Variants in GRIK4 observed in about 807,000 individuals in gnomAD.
GRIK4 encodes glutamate receptor ionotropic, kainate 4.
Under a neutral mutation model 104.9 loss-of-function variants are expected in GRIK4, and 40 were observed. That is an observed-to-expected ratio of 0.38 (90% CI 0.30 to 0.50). GRIK4 has a LOEUF of 0.50. Ranked by LOEUF, GRIK4 falls within the 20% of genes least tolerant of loss-of-function variation. GRIK4 has a pLI of 0.93. For synonymous variants in GRIK4, 485 were observed against 524.9 expected, an observed-to-expected ratio of 0.92 and a Z score of 1.04; for missense variants, 1,047 against 1,308.1, an observed-to-expected ratio of 0.80 and a Z score of 3.08.
At chr11:120,869,430 C>G (rs1008791508) in intron 9 of GRIK4, 2 of 152,274 alleles carry the variant, frequency 1.3e-5, no homozygotes, top group Non-Finnish European at 2.9e-5. Context: ...TTCCTTCTAC[C>G]TGCTCCCTGT....
At chr11:120,631,446 G>T (rs2135183412) in intron 1 of GRIK4, among the ~76,000 whole-genome samples, 1 of 152,314 alleles carries the variant, frequency 6.6e-6, no homozygotes, top group African/African-American at 2.4e-5. Flanking sequence ...TCGATGCCCA[G>T]TGTAGGTGGT....
rs554817446 is a variant in GRIK4 at position 120,633,806 on chromosome 11, A to C, written c.-158-19879A>C. ...GCTGGGGAGAACCAAGCATAGGCAG[A>C]AGGGAAGTGTGGCTGGGCATGGAGA... On this transcript the variant is annotated intron_variant, in intron 1 of 20. Coordinates refer to ENST00000527524, the MANE Select transcript of GRIK4 (RefSeq NM_014619.5). Among the ~76,000 whole-genome samples, 7 of 152,270 alleles carry C rather than the reference A, an allele frequency of 4.6e-5. No homozygotes were observed. The South Asian group carries it at 1.2e-3, about 27-fold the overall frequency.
intron 6 of GRIK4, among the ~76,000 whole-genome samples, chr11:120,822,397 G>A (rs2135547854): frequency 6.6e-6 from 1 of 152,170 alleles, no homozygotes; most frequent in African/African-American, 2.4e-5. Context: ...CTCATAATTA[G>A]TAAGTGGTAG....
At chr11:120,526,866 A>G (rs1947863370) in intron 1 of GRIK4, among the ~76,000 whole-genome samples, 1 of 152,320 alleles carries the variant, frequency 6.6e-6, no homozygotes, top group East Asian at 1.9e-4. Flanking sequence ...AAGAAAAAAA[A>G]AGTTCGTTTT....
In GRIK4 at chr11:120,513,040, A is replaced by G. The variant is rs1357614939; in HGVS notation, c.-159+1153A>G. Among the ~76,000 whole-genome samples the G allele has an allele frequency of 6.6e-6, 1 of 152,086 alleles. No homozygotes were observed. Among genetic ancestry groups the G allele is most frequent in the Admixed American group, 6.5e-5 (1 of 15,278 alleles). ...CTTGGTGCTGTTGTCTGGTGATGCC[A>G]CGCGGTGCCACCTCCCTGCCTCCCT... On this transcript the variant is annotated intron_variant, in intron 1 of 20. Transcript: ENST00000527524. This position sits in a 1 kb window ranked among gnomAD's most constrained non-coding sequence, Gnocchi z 4.5.
rs1949167298 is a variant in GRIK4, at chr11:120,620,120, C to T, written c.-158-33565C>T. ...TTGGTTTCGTTCTCAGCAAAATTGACCTGGGCCACTCAACATGGCTTTATC... is the reference window on the plus strand; with the variant it reads ...TTGGTTTCGTTCTCAGCAAAATTGATCTGGGCCACTCAACATGGCTTTATC... On this transcript the variant is annotated intron_variant, in intron 1 of 20. Coordinates refer to ENST00000527524, the MANE Select transcript of GRIK4 (RefSeq NM_014619.5). 5.1e-6 allele frequency: 4 copies of T among 787,468 alleles called. No individual in the cohort carries two copies. The South Asian group carries it at 5.5e-5, about 11-fold the overall frequency. The allele number at this position is 787,468 out of a possible 1,614,324, so 48.8% of individuals were successfully genotyped here. A position where few individuals can be genotyped will look rare whatever the true frequency, so the allele number is the denominator to read the frequency against.
intron 3 of GRIK4, among the ~76,000 whole-genome samples, chr11:120,786,188 G>A (rs191813684): frequency 5.5e-4 from 84 of 152,258 alleles, no homozygotes; most frequent in Non-Finnish European, 2.4e-4. Context: ...ATCCTCAGCC[G>A]CCTCCCTTCC....
In GRIK4 at chr11:120,952,273, C is replaced by T. The variant is rs77953792; in HGVS notation, c.1591-582C>T. Among the ~76,000 whole-genome samples, 72 of 152,260 alleles carry T rather than the reference C, an allele frequency of 4.7e-4. No individual in the cohort carries two copies. Among genetic ancestry groups the T allele is most frequent in the African/African-American group, 1.7e-3 (70 of 41,538 alleles). ...CTTCCATTTACGCACTGTGGAACCT[C>T]GGGCACATCTCTGACTGCCCTCGGC... On this transcript the variant is annotated intron_variant, in intron 14 of 20. Coordinates refer to ENST00000527524, the MANE Select transcript of GRIK4 (RefSeq NM_014619.5). The surrounding 1 kb of genome is among the most constrained non-coding windows in gnomAD (Gnocchi z 5.2).
At chr11:120,807,318 C>T (rs1407945790) in intron 4 of GRIK4, among the ~76,000 whole-genome samples, 5 of 152,174 alleles carry the variant, frequency 3.3e-5, no homozygotes, top group East Asian at 1.9e-4. Flanking sequence ...CCTGAGGCTC[C>T]GTCCCAGCTT....
rs551270661 is a variant in GRIK4, at chr11:120,794,959, A to C, written c.83-7734A>C. 2.0e-5 allele frequency among the ~76,000 whole-genome samples: 3 copies of C among 152,196 alleles called. No individual in the cohort carries two copies. The East Asian group carries it at 5.8e-4, about 29-fold the overall frequency. On this transcript the variant is annotated intron_variant, in intron 3 of 20. Transcript: ENST00000527524. Reference sequence around the variant, plus strand: ...GGCTGAAGAGTGGGACACAGAGGACAGAGGTGCCAGATGAGTGATGGGGAT... The same window carrying C: ...GGCTGAAGAGTGGGACACAGAGGACCGAGGTGCCAGATGAGTGATGGGGAT...
chr11:120,579,531 T>G (rs187093347), intron 1 of GRIK4, among the ~76,000 whole-genome samples: 29 of 152,212 alleles, frequency 1.9e-4, no homozygotes, highest in Non-Finnish European at 1.9e-4. Context: ...TATTCTAAAA[T>G]AAGATCACTT....
rs1170724941 is a variant in GRIK4, at chr11:120,819,758, C to T, written c.349C>T (p.Pro117Ser). Residue 117 changes from proline to serine, a missense_variant, in exon 6 of 21, where the codon CCT (proline) becomes TCT (serine). By Grantham distance (74) the Pro-to-Ser change is moderately conservative (BLOSUM62 -1). This residue lies in a region of GRIK4 where 447 missense variants were observed against 514.9 expected (regional missense o/e 0.87). Transcript: ENST00000527524. This position sits in a 1 kb window ranked among gnomAD's most constrained non-coding sequence, Gnocchi z 4.3. ...CCGTTTTTGCTCCTCTTGCCAGGTC[C>T]CTCACTTCAAAGTGGCCCCAGAGGA... is the stretch of plus-strand genomic sequence containing the variant. ...ISNICGEKEV[P>S]HFKVAPEEFV... The T allele has an allele frequency of 1.2e-6, 2 of 1,614,116 alleles. No individual in the cohort carries two copies. Among genetic ancestry groups the T allele is most frequent in the Admixed American group, 1.7e-5 (1 of 60,018 alleles).
chr11:120,739,753 A>C (rs1053358963), intron 3 of GRIK4, among the ~76,000 whole-genome samples: 4 of 152,212 alleles, frequency 2.6e-5, no homozygotes, highest in Non-Finnish European at 5.9e-5. Context: ...TTCTGTCCTC[A>C]GGTGACGATG....
intron 3 of GRIK4, among the ~76,000 whole-genome samples, chr11:120,772,329 G>A (rs920018701): frequency 6.6e-6 from 1 of 152,146 alleles, no homozygotes; most frequent in Non-Finnish European, 1.5e-5. Flanking sequence ...AGATTACACA[G>A]CCAGTATATT....
At chr11:120,559,458 T>C (rs1226066823) in intron 1 of GRIK4, among the ~76,000 whole-genome samples, 1 of 152,190 alleles carries the variant, frequency 6.6e-6, no homozygotes, top group Non-Finnish European at 1.5e-5. Context: ...GGAATCTGTA[T>C]TTCAGCTGGC....
At chr11:120,741,425 C>T (rs1466102209) in intron 3 of GRIK4, among the ~76,000 whole-genome samples, 1 of 151,634 alleles carries the variant, frequency 6.6e-6, no homozygotes, top group Non-Finnish European at 1.5e-5. Flanking sequence ...ACTACAGGCA[C>T]GCACCACCAC....
At chr11:120,632,214 T>C (rs1949341327) in intron 1 of GRIK4, among the ~76,000 whole-genome samples, 1 of 152,092 alleles carries the variant, frequency 6.6e-6, no homozygotes, top group Non-Finnish European at 1.5e-5. Flanking sequence ...CATGTGAAGA[T>C]ACAAGAAGCT....
intron 1 of GRIK4, among the ~76,000 whole-genome samples, chr11:120,590,818 G>T (rs181590115): frequency 2.1e-4 from 32 of 152,260 alleles, no homozygotes; most frequent in African/African-American, 7.7e-4. Context: ...GATTTATACA[G>T]ATTGTTGATT....
Position 120,940,180 on chromosome 11 carries a change from A to G in GRIK4, c.1477-167A>G, listed in dbSNP as rs188138584. Reference sequence around the variant, plus strand: ...ATAGCTTCAATATCCATGTACTTTTATGAGTGATCATTCAGATCTGTATGC... The same window carrying G: ...ATAGCTTCAATATCCATGTACTTTTGTGAGTGATCATTCAGATCTGTATGC... On this transcript the variant is annotated intron_variant, in intron 13 of 20. Coordinates refer to ENST00000527524, the MANE Select transcript of GRIK4 (RefSeq NM_014619.5). This position sits in a 1 kb window ranked among gnomAD's most constrained non-coding sequence, Gnocchi z 4.3. Among the ~76,000 whole-genome samples, 67 of 152,316 alleles carry G rather than the reference A, an allele frequency of 4.4e-4. No homozygotes were observed. Among genetic ancestry groups the G allele is most frequent in the African/African-American group, 1.5e-3 (64 of 41,574 alleles).
Sources: allele counts gnomAD v4.1 joint callset (sites outside exome capture counted in the v4.1 genomes callset), GRCh38; gene constraint gnomAD v4.1.1; regional missense constraint gnomAD v4.1.1; non-coding constraint Gnocchi (gnomAD v3.1); transcripts MANE v1.5; gene names NCBI Gene and HGNC (gene_info 2026-07-23, HGNC 2026-07-21).